The following LRP2 variants were observed in gnomAD, a reference collection of about 807,000 sequenced individuals.
LRP2 encodes the protein LDL receptor related protein 2.
Under a neutral mutation model 531.0 loss-of-function variants are expected in LRP2, and 172 were observed. The ratio of observed to expected loss-of-function variants is 0.32; its 90% CI spans 0.29 to 0.37. The LOEUF (loss-of-function observed/expected upper bound fraction) is 0.37. LRP2 is among the 10% of genes least tolerant of loss of function. The probability of loss-of-function intolerance (pLI) is 1.00; values close to 1 mark genes in which losing one functional copy is unlikely to be tolerated. For synonymous variants in LRP2, 1,992 were observed against 2,027.6 expected, an observed-to-expected ratio of 0.98 and a Z score of 0.47; for missense variants, 5,167 against 5,868.3, an observed-to-expected ratio of 0.88 and a Z score of 3.90.
At chr2:169,309,563 A>G (rs560063451) in intron 3 of LRP2, among the ~76,000 whole-genome samples, 158 of 152,126 alleles carry the variant, frequency 1.0e-3, no homozygotes, top group African/African-American at 2.4e-3. Context: ...TGAGGGCTCT[A>G]TTCTGTTCCA....
At position 169,292,363 on chromosome 2, in the gene LRP2, G is replaced by A. The variant is rs747937273; in HGVS notation, c.659C>T (p.Pro220Leu). Residue 220 changes from proline (P) to leucine (L), a missense_variant, in exon 7 of 79, where the codon CCG (proline) becomes CTG (leucine). By Grantham distance (98) the Pro-to-Leu change is moderately conservative. Around this residue, in one of 6 missense-constraint regions of LRP2, gnomAD observed 2,811 missense variants for 3,058.0 expected, o/e 0.92. Transcript: ENST00000649046. ...AGTGAACTGGTAACCACCGCAGGTC[G>A]GATAGTCTGGAATAAAGCAACAGCT... ...DGSDEHACNYPTCGGYQFTCP... is the reference protein window; with the variant it reads ...DGSDEHACNYLTCGGYQFTCP... 5.0e-6 allele frequency: 8 copies of A among 1,607,170 alleles called. No homozygotes were observed. Among genetic ancestry groups the A allele is most frequent in the South Asian group, 2.2e-5 (2 of 90,950 alleles).
chr2:169,308,434 C>T (rs1684489485), intron 3 of LRP2, among the ~76,000 whole-genome samples: 1 of 152,150 alleles, frequency 6.6e-6, no homozygotes, highest in Non-Finnish European at 1.5e-5. Context: ...CAGGTGCTCT[C>T]ATTGTTCAAT....
Position 169,172,005 on chromosome 2 carries a change from G to A in LRP2, c.11263+10C>T, listed in dbSNP as rs2105278526. On this transcript the variant is annotated intron_variant, in intron 58 of 78. Transcript: ENST00000649046. ...TGGTATATAAGGACCATAGGACTGTGAACACTCACCACAGTTTTCCTCATC... is the reference window on the plus strand; with the variant it reads ...TGGTATATAAGGACCATAGGACTGTAAACACTCACCACAGTTTTCCTCATC... The A allele has an allele frequency of 6.2e-7, 1 of 1,613,980 alleles. No homozygotes were observed.
In LRP2 at chr2:169,202,826, G is replaced by A; in HGVS notation, c.8139C>T (p.Ile2713=). Residue 2713 remains isoleucine (I), a synonymous_variant, in exon 43 of 79, where the codon ATC becomes ATT. Transcript: ENST00000649046. ...SSFTCSNGRC[I]SEEWKCDNDN... ...CATTATCACACTTCCACTCTTCCGA[G>A]ATGCAGCGCCCATTGGAGCAGGTGA... The A allele has an allele frequency of 6.2e-7, 1 of 1,614,194 alleles. No homozygotes were observed. Among genetic ancestry groups the A allele is most frequent in the Non-Finnish European group, 8.5e-7 (1 of 1,180,036 alleles).
intron 34 of LRP2, among the ~76,000 whole-genome samples, chr2:169,218,651 T>C (rs1180645653): frequency 6.6e-6 from 1 of 152,152 alleles, no homozygotes; most frequent in Non-Finnish European, 1.5e-5. Context: ...GGTAAATAGG[T>C]GGACTGCATG....
intron 23 of LRP2, 79 bp downstream of exon 23, chr2:169,243,324 C>G (rs973760627): frequency 1.3e-6 from 2 of 1,548,654 alleles, no homozygotes; most frequent in African/African-American, 2.7e-5. Flanking sequence ...GTGTGATGTT[C>G]CCCTCCCTGT....
chr2:169,156,999 A>T (rs1686355019), intron 64 of LRP2, among the ~76,000 whole-genome samples: 1 of 152,214 alleles, frequency 6.6e-6, no homozygotes, highest in African/African-American at 2.4e-5. Flanking sequence ...AAGTAGGTGT[A>T]TAATAAATAC....
At chr2:169,224,043 A>G (rs1286537443) in intron 33 of LRP2, among the ~76,000 whole-genome samples, 2 of 152,232 alleles carry the variant, frequency 1.3e-5, no homozygotes, top group Non-Finnish European at 2.9e-5. Context: ...AAGATCACCA[A>G]GGGATGCATG....
chr2:169,188,265 C>T lies in LRP2; in HGVS notation c.9033G>A (p.Arg3011=), dbSNP rs867619230. Residue 3011 remains arginine (R), a splice_region_variant and synonymous_variant, in exon 49 of 79, where the codon AGG becomes AGA. Coordinates refer to ENST00000649046, the MANE Select transcript of LRP2 (RefSeq NM_004525.3). ...GYGLCIPKIF[R]CDRHNDCGDY... is the part of the protein sequence containing the mutation. ...CACCACAGTCATTGTGCCGGTCACA[C>T]CTGTATCATGAGATCCAGTACCACT... is the stretch of plus-strand genomic sequence containing the variant. The T allele has an allele frequency of 1.9e-6, 3 of 1,614,024 alleles. No homozygotes were observed. The highest frequency in any genetic ancestry group is 1.3e-5 in the African/African-American group (1 of 75,020).
chr2:169,184,955 T>C (rs1361745741), intron 50 of LRP2, among the ~76,000 whole-genome samples: 1 of 152,106 alleles, frequency 6.6e-6, no homozygotes, highest in Non-Finnish European at 1.5e-5. Context: ...AGAGACAGAT[T>C]TCGCCATGTT....
chr2:169,206,297 T>A (rs1334076995), intron 39 of LRP2, 33 bp downstream of exon 39: 2 of 1,612,098 alleles, frequency 1.2e-6, no homozygotes, highest in Admixed American at 3.3e-5. Flanking sequence ...TTGTGTCTAC[T>A]TGCAGGACAA....
chr2:169,209,330 A>T lies in LRP2; in HGVS notation c.6469+123T>A, dbSNP rs1174800533. On this transcript the variant is annotated intron_variant, in intron 38 of 78. Coordinates refer to ENST00000649046, the MANE Select transcript of LRP2 (RefSeq NM_004525.3). ...GCTTAATCTAGATTCAATGTATCTTAAATGGTCTTAATAATTGTCTAGAAA... is the reference window on the plus strand; with the variant it reads ...GCTTAATCTAGATTCAATGTATCTTTAATGGTCTTAATAATTGTCTAGAAA... 4 of 846,070 alleles carry T rather than the reference A, an allele frequency of 4.7e-6. No homozygotes were observed. The African/African-American group carries it at 6.7e-5, about 14-fold the overall frequency. 52.4% of individuals were successfully genotyped at this position (846,070 alleles called of 1,614,324 possible).
rs1344181785 is a variant in LRP2 at position 169,306,044 on chromosome 2, C to G, written c.427+1237G>C. Among the ~76,000 whole-genome samples the G allele has an allele frequency of 2.6e-5, 4 of 152,228 alleles. 1 individual carries two copies. The highest frequency in any genetic ancestry group is 9.6e-5 in the African/African-American group (4 of 41,532). ...AACAAAATTGCCTAATAATACATTT[C>G]TCAGAATGTGTCCCCCTCATTAAAT... is the stretch of plus-strand genomic sequence containing the variant. On this transcript the variant is annotated intron_variant, in intron 4 of 78. Transcript: ENST00000649046.
chr2:169,308,331 G>C (rs1684485467), intron 3 of LRP2, among the ~76,000 whole-genome samples: 1 of 151,968 alleles, frequency 6.6e-6, no homozygotes, highest in Non-Finnish European at 1.5e-5. Context: ...CCATTAACTA[G>C]TCATTTACGT....
intron 18 of LRP2, among the ~76,000 whole-genome samples, chr2:169,256,613 A>G (rs1690314717): frequency 6.6e-6 from 1 of 151,828 alleles, no homozygotes; most frequent in Admixed American, 6.6e-5. Context: ...TTATAAGCTT[A>G]TTTACTCTAT....
chr2:169,139,862 A>G (rs1685656708), intron 72 of LRP2, among the ~76,000 whole-genome samples: 1 of 152,196 alleles, frequency 6.6e-6, no homozygotes, highest in Admixed American at 6.5e-5. Context: ...ACGAAAACCT[A>G]TTGGTGTCTA....
At chr2:169,281,147 C>T (rs1201168816) in intron 10 of LRP2, among the ~76,000 whole-genome samples, 2 of 152,172 alleles carry the variant, frequency 1.3e-5, no homozygotes, top group East Asian at 1.9e-4. Flanking sequence ...TAAGGCCAGG[C>T]GCAGTGGCTC....
At chr2:169,204,869 G>T (rs1688322245) in intron 41 of LRP2, among the ~76,000 whole-genome samples, 3 of 152,148 alleles carry the variant, frequency 2.0e-5, no homozygotes, top group African/African-American at 4.8e-5. Flanking sequence ...TATTCCATTA[G>T]GATGACTGGA....
At chr2:169,330,424 C>T (rs1434012799) in intron 1 of LRP2, among the ~76,000 whole-genome samples, 1 of 152,190 alleles carries the variant, frequency 6.6e-6, no homozygotes, top group African/African-American at 2.4e-5. Flanking sequence ...TATAACTGAG[C>T]TACCCTTCTC....
Sources: gnomAD v4.1 joint callset for allele counts (sites outside exome capture counted in the v4.1 genomes callset) on GRCh38, gnomAD v4.1.1 for gene constraint, gnomAD v4.1.1 regional missense constraint, MANE v1.5 for transcripts, NCBI Gene and HGNC (gene_info 2026-07-23, HGNC 2026-07-21) for gene names.